MLLT3: variants seen among roughly 807,000 people sequenced by gnomAD.
MLLT3 encodes the protein protein AF-9.
Under a neutral mutation model 53.2 loss-of-function variants are expected in MLLT3, and 4 were observed. That is an observed-to-expected ratio of 0.08 (90% CI 0.04 to 0.17). The LOEUF (loss-of-function observed/expected upper bound fraction) is 0.17. Ranked by LOEUF, MLLT3 falls within the 10% of genes least tolerant of loss-of-function variation. The pLI, the probability that MLLT3 is intolerant of heterozygous loss-of-function variation, is 1.00. For synonymous variants in MLLT3, 283 were observed against 230.6 expected, an observed-to-expected ratio of 1.23 and a Z score of -2.06; for missense variants, 569 against 684.0, an observed-to-expected ratio of 0.83 and a Z score of 1.87.
At chr9:20,365,765 G>A in intron 5 of MLLT3, 21 bp from the exon 6 acceptor site, 1 of 1,613,502 alleles carries the variant, frequency 6.2e-7, no homozygotes, top group Non-Finnish European at 8.5e-7. Context: ...GAATAAAAAG[G>A]CACCATCAAT....
chr9:20,599,602 T>G (rs997976711), intron 2 of MLLT3, among the ~76,000 whole-genome samples: 3 of 152,156 alleles, frequency 2.0e-5, no homozygotes, highest in African/African-American at 7.2e-5. Flanking sequence ...AGTAGAGATA[T>G]GACCTAGAAG....
At chr9:20,516,730 A>T (rs985937360) in intron 2 of MLLT3, among the ~76,000 whole-genome samples, 9 of 152,216 alleles carry the variant, frequency 5.9e-5, no homozygotes, top group African/African-American at 1.2e-4. Context: ...ATTACATGGG[A>T]ATGTTAAATT....
chr9:20,429,714 TA>T (rs1563962559), intron 4 of MLLT3, among the ~76,000 whole-genome samples: 1 of 152,126 alleles, frequency 6.6e-6, no homozygotes, highest in East Asian at 1.9e-4. Flanking sequence ...CGTTTTCTGA[TA>T]AAATCAAAAA....
intron 2 of MLLT3, among the ~76,000 whole-genome samples, chr9:20,521,060 C>CT (rs34014966): frequency 1.0e-3 from 146 of 145,288 alleles, no homozygotes; most frequent in African/African-American, 3.4e-3. Flanking sequence ...AAGCTGTAAA[C>CT]TTTTTTTTTG....
At chr9:20,605,333 C>A (rs1248458414) in intron 2 of MLLT3, among the ~76,000 whole-genome samples, 3 of 151,972 alleles carry the variant, frequency 2.0e-5, no homozygotes, top group Non-Finnish European at 4.4e-5. Flanking sequence ...TTTCTACTTA[C>A]CCTGTGGAAA....
rs545725637 is a variant in MLLT3 at position 20,343,841 on chromosome 9, G to A, written c.*2602C>T. Reference sequence around the variant, plus strand: ...TATTCTTAATAGGCTTCAAAGTTGGGTGTATATAAATGTGACAGAACTGAA... The same window carrying A: ...TATTCTTAATAGGCTTCAAAGTTGGATGTATATAAATGTGACAGAACTGAA... On this transcript the variant is annotated 3_prime_UTR_variant, in exon 11 of 11. Coordinates refer to ENST00000380338, the MANE Select transcript of MLLT3 (RefSeq NM_004529.4). 5 of 209,524 alleles carry A rather than the reference G, an allele frequency of 2.4e-5. No individual in the cohort carries two copies. In the East Asian group the frequency reaches 3.6e-4, roughly 15 times the overall value. The allele number at this position is 209,524 out of a possible 1,614,324, so 13.0% of individuals were successfully genotyped here.
chr9:20,516,587 C>G (rs1817926356), intron 2 of MLLT3, among the ~76,000 whole-genome samples: 1 of 152,190 alleles, frequency 6.6e-6, no homozygotes. Context: ...GCAGAAACAT[C>G]TATTTCTTTT....
At chr9:20,451,519 A>AT (rs1256737915) in intron 3 of MLLT3, among the ~76,000 whole-genome samples, 4 of 152,138 alleles carry the variant, frequency 2.6e-5, no homozygotes, top group Non-Finnish European at 4.4e-5. Flanking sequence ...CCTGAGTATG[A>AT]TTTTTTTAAA....
At chr9:20,511,394 C>A (rs2034451088) in intron 2 of MLLT3, among the ~76,000 whole-genome samples, 1 of 152,068 alleles carries the variant, frequency 6.6e-6, no homozygotes, top group Non-Finnish European at 1.5e-5. Flanking sequence ...TTTCTTCAAA[C>A]ACAAAAAAAT....
chr9:20,347,773 T>G (rs147455292), intron 10 of MLLT3, among the ~76,000 whole-genome samples: 8 of 152,292 alleles, frequency 5.3e-5, no homozygotes, highest in Admixed American at 2.6e-4. Context: ...GTTATTCTCT[T>G]TCTATCACTT....
intron 2 of MLLT3, among the ~76,000 whole-genome samples, chr9:20,538,979 TA>T (rs35797258): frequency 2.7e-4 from 41 of 152,214 alleles, no homozygotes; most frequent in Admixed American, 1.5e-3. Context: ...TTTATTGCTT[TA>T]AAAAAAATGC....
At chr9:20,428,035 G>A (rs1286967412) in intron 4 of MLLT3, among the ~76,000 whole-genome samples, 1 of 151,984 alleles carries the variant, frequency 6.6e-6, no homozygotes, top group Non-Finnish European at 1.5e-5. Flanking sequence ...TGCAATAACT[G>A]ATATAATACG....
chr9:20,554,492 T>C lies in MLLT3; in HGVS notation c.193+66162A>G, dbSNP rs143849807. 7.9e-5 allele frequency among the ~76,000 whole-genome samples: 12 copies of C among 152,196 alleles called. No individual in the cohort carries two copies. The East Asian group carries it at 2.3e-3, about 29-fold the overall frequency. ...AATGGATGACATGAACAAAATATAC[T>C]CACAGAATGTTACAACAGTCCATAT... On this transcript the variant is annotated intron_variant, in intron 2 of 10. Transcript: ENST00000380338.
chr9:20,601,980 T>A lies in MLLT3; in HGVS notation c.193+18674A>T, dbSNP rs565289558. ...CAAAGCTAGACTCCAGGACTTTTCTTGGGGCACTGCTGAAAAACAACCTCA... is the reference window on the plus strand; with the variant it reads ...CAAAGCTAGACTCCAGGACTTTTCTAGGGGCACTGCTGAAAAACAACCTCA... On this transcript the variant is annotated intron_variant, in intron 2 of 10. Transcript: ENST00000380338. Among the ~76,000 whole-genome samples, 4 of 152,220 alleles carry A rather than the reference T, an allele frequency of 2.6e-5. 1 individual carries two copies. The highest frequency in any genetic ancestry group is 1.3e-4 in the Admixed American group (2 of 15,272).
Position 20,621,044 on chromosome 9 carries a change from C to T in MLLT3, c.13-210G>A, listed in dbSNP as rs957317618. On this transcript the variant is annotated intron_variant, in intron 1 of 10. Transcript: ENST00000380338. This position sits in a 1 kb window ranked among gnomAD's most constrained non-coding sequence, Gnocchi z 7.0. ...GCCCGGCCCGGCTTGGCCCCAGGCG[C>T]CCCGGGCCCCGCATCTACATCGGAC... The T allele has an allele frequency of 8.7e-6, 6 of 693,136 alleles. No homozygotes were observed. The highest frequency in any genetic ancestry group is 6.1e-5 in the South Asian group (4 of 66,028). 42.9% of individuals were successfully genotyped at this position (693,136 alleles called of 1,614,324 possible).
chr9:20,527,579 A>G (rs1466261332), intron 2 of MLLT3, among the ~76,000 whole-genome samples: 1 of 152,214 alleles, frequency 6.6e-6, no homozygotes, highest in Non-Finnish European at 1.5e-5. Context: ...GAGGTCTGCC[A>G]CTTCTAAAGT....
At chr9:20,454,281 G>A (rs551819760) in intron 3 of MLLT3, among the ~76,000 whole-genome samples, 9 of 152,144 alleles carry the variant, frequency 5.9e-5, no homozygotes, top group South Asian at 4.2e-4. Context: ...GTGTGCGTGC[G>A]CGTATGGTAG....
chr9:20,595,318 C>T (rs1291635), intron 2 of MLLT3, among the ~76,000 whole-genome samples: 1 of 151,932 alleles, frequency 6.6e-6, no homozygotes, highest in Non-Finnish European at 1.5e-5. Context: ...AGTGAATCGT[C>T]TTCATACATA....
chr9:20,493,200 T>C (rs1215196343), intron 2 of MLLT3, among the ~76,000 whole-genome samples: 1 of 151,994 alleles, frequency 6.6e-6, no homozygotes, highest in East Asian at 1.9e-4. Context: ...CCTACTCTTG[T>C]TATTAGAAAA....
Sources: allele counts gnomAD v4.1 joint callset (sites outside exome capture counted in the v4.1 genomes callset), GRCh38; gene constraint gnomAD v4.1.1; non-coding constraint Gnocchi (gnomAD v3.1); transcripts MANE v1.5; gene names NCBI Gene and HGNC (gene_info 2026-07-23, HGNC 2026-07-21).